NCALD: variants seen among roughly 807,000 people sequenced by gnomAD.
NCALD encodes the protein neurocalcin-delta.
A neutral mutation model predicts 18.6 loss-of-function variants in NCALD; 10 were observed. The ratio of observed to expected loss-of-function variants is 0.54; its 90% CI spans 0.33 to 0.91. The LOEUF is 0.91. NCALD is among the 40% of genes least tolerant of loss of function. The pLI, the probability that NCALD is intolerant of heterozygous loss-of-function variation, is 0.03. For synonymous variants in NCALD, 88 were observed against 87.4 expected (o/e 1.01, Z -0.04); for missense variants, 184 against 247.6 (o/e 0.74, Z 1.72).
At position 101,686,746 on chromosome 8, in the gene NCALD, C is replaced by T. The variant is rs1156716864; in HGVS notation, c.*2563G>A. 2 of 152,652 alleles carry T rather than the reference C, an allele frequency of 1.3e-5. No individual in the cohort carries two copies. Among genetic ancestry groups the T allele is most frequent in the African/African-American group, 2.4e-5 (1 of 41,442 alleles). The allele number at this position is 152,652 out of a possible 1,614,324, so 9.5% of individuals were successfully genotyped here. ...GAGCACTCTGTAGAATCCTTCAGGT[C>T]GTAAGCCACTTTATTCCAGTCCCTT... is the stretch of plus-strand genomic sequence containing the variant. On this transcript the variant is annotated 3_prime_UTR_variant, in exon 4 of 4. Transcript: ENST00000220931.
intron 1 of NCALD, among the ~76,000 whole-genome samples, chr8:102,058,201 C>T (rs998986485): frequency 7.9e-5 from 12 of 152,228 alleles, no homozygotes; most frequent in Admixed American, 5.9e-4. Flanking sequence ...ATTATTTTAC[C>T]GCACAGGGAC....
chr8:101,732,244 A>G (rs1035762014), intron 1 of NCALD, among the ~76,000 whole-genome samples: 1 of 152,252 alleles, frequency 6.6e-6, no homozygotes, highest in African/African-American at 2.4e-5. Context: ...TGATAAAACC[A>G]TAAAACAAAA....
At chr8:101,773,360 T>C (rs914106242) in intron 1 of NCALD, among the ~76,000 whole-genome samples, 7 of 152,312 alleles carry the variant, frequency 4.6e-5, no homozygotes, top group African/African-American at 1.4e-4. Flanking sequence ...AATCTAGCTC[T>C]ACTACAGCTC....
chr8:102,023,905 C>T (rs1336460889), intron 1 of NCALD, among the ~76,000 whole-genome samples: 2 of 152,070 alleles, frequency 1.3e-5, no homozygotes, highest in African/African-American at 4.8e-5. Context: ...CAAGAATGCC[C>T]CAACCATAAA....
intron 1 of NCALD, among the ~76,000 whole-genome samples, chr8:101,766,531 G>A (rs1259567205): frequency 1.3e-5 from 2 of 152,104 alleles, no homozygotes; most frequent in Non-Finnish European, 2.9e-5. Context: ...CTATACATAA[G>A]TGTTTTAAAA....
chr8:101,862,106 T>C (rs1482123844), intron 4 of NCALD, among the ~76,000 whole-genome samples: 2 of 152,246 alleles, frequency 1.3e-5, no homozygotes, highest in African/African-American at 2.4e-5. Context: ...AGTATTCATG[T>C]ACATGTTTTG....
At chr8:101,976,041 G>T (rs532937695) in intron 2 of NCALD, among the ~76,000 whole-genome samples, 1 of 152,058 alleles carries the variant, frequency 6.6e-6, no homozygotes, top group Non-Finnish European at 1.5e-5. Flanking sequence ...CCAAGATGCC[G>T]TGGGTTCGCT....
chr8:101,911,565 C>T (rs919527011), intron 3 of NCALD, among the ~76,000 whole-genome samples: 9 of 152,020 alleles, frequency 5.9e-5, no homozygotes, highest in African/African-American at 1.9e-4. Context: ...GCCATGTTGG[C>T]CAGGCTGGTC....
At chr8:101,819,441 G>A (rs896133386) in intron 4 of NCALD, among the ~76,000 whole-genome samples, 7 of 152,048 alleles carry the variant, frequency 4.6e-5, no homozygotes, top group African/African-American at 1.4e-4. Flanking sequence ...ATTGTATTAT[G>A]ACCATTACTC....
intron 4 of NCALD, among the ~76,000 whole-genome samples, chr8:101,821,065 C>T (rs1162141845): frequency 6.6e-6 from 1 of 152,186 alleles, no homozygotes. Context: ...CGCATATACA[C>T]AAGATTTGAT....
chr8:101,976,072 C>T (rs1440988524), intron 2 of NCALD, among the ~76,000 whole-genome samples: 4 of 152,142 alleles, frequency 2.6e-5, no homozygotes, highest in African/African-American at 4.8e-5. Context: ...ACCATTTTCA[C>T]AGCTCCTTTT....
At chr8:101,868,734 G>T (rs899051358) in intron 4 of NCALD, among the ~76,000 whole-genome samples, 16 of 152,284 alleles carry the variant, frequency 1.1e-4, no homozygotes, top group African/African-American at 3.1e-4. Flanking sequence ...TTTGCATGGG[G>T]TATATGCCAA....
chr8:102,118,152 C>T (rs568925882), intron 1 of NCALD, among the ~76,000 whole-genome samples: 155 of 152,354 alleles, frequency 1.0e-3, no homozygotes, highest in Non-Finnish European at 1.6e-3. Flanking sequence ...GCACCAGCAC[C>T]AGATCAGAGA....
intron 4 of NCALD, among the ~76,000 whole-genome samples, chr8:101,842,833 A>G (rs1814699261): frequency 6.6e-6 from 1 of 152,226 alleles, no homozygotes; most frequent in Non-Finnish European, 1.5e-5. Flanking sequence ...GTGGCTTGAG[A>G]TAGCTGTTGG....
intron 1 of NCALD, among the ~76,000 whole-genome samples, chr8:102,041,054 A>G (rs982835318): frequency 2.6e-5 from 4 of 152,190 alleles, no homozygotes; most frequent in African/African-American, 9.6e-5. Flanking sequence ...TCTCTCACCT[A>G]TTCTGCTAAT....
intron 2 of NCALD, among the ~76,000 whole-genome samples, chr8:101,924,770 T>C (rs902288038): frequency 6.6e-6 from 1 of 152,186 alleles, no homozygotes; most frequent in African/African-American, 2.4e-5. Flanking sequence ...TTTACACAAA[T>C]GTCGAAAAAA....
chr8:102,094,811 A>G (rs146709424), intron 1 of NCALD, among the ~76,000 whole-genome samples: 1 of 152,346 alleles, frequency 6.6e-6, no homozygotes, highest in African/African-American at 2.4e-5. Context: ...AGAGATAAGA[A>G]TGTCATAGGA....
intron 4 of NCALD, among the ~76,000 whole-genome samples, chr8:101,865,179 T>C (rs919699810): frequency 6.6e-6 from 1 of 152,174 alleles, no homozygotes; most frequent in African/African-American, 2.4e-5. Flanking sequence ...TGATGAAAAC[T>C]CACGTTTCTA....
chr8:101,922,988 G>A (rs906540776), intron 2 of NCALD, among the ~76,000 whole-genome samples: 2 of 152,066 alleles, frequency 1.3e-5, no homozygotes, highest in Non-Finnish European at 2.9e-5. Context: ...ATGGACAAGG[G>A]GGGACTACTG....
Sources: allele counts gnomAD v4.1 joint callset (sites outside exome capture counted in the v4.1 genomes callset), GRCh38; gene constraint gnomAD v4.1.1; transcripts MANE v1.5; gene names NCBI Gene and HGNC (gene_info 2026-07-23, HGNC 2026-07-21).